Variants in DCHS2 observed in about 807,000 individuals in gnomAD.
DCHS2 encodes protocadherin-23.
A neutral mutation model predicts 182.4 loss-of-function variants in DCHS2; 142 were observed. The ratio of observed to expected loss-of-function variants is 0.78; its 90% CI spans 0.68 to 0.89. The LOEUF (loss-of-function observed/expected upper bound fraction) is 0.89. Ranked by LOEUF, DCHS2 falls within the 40% of genes least tolerant of loss-of-function variation. DCHS2 has a pLI of 0.00. For missense variants in DCHS2, 4,319 were observed against 4,198.6 expected (o/e 1.03, Z -0.79); for synonymous variants, 1,740 against 1,663.3 (o/e 1.05, Z -1.12).
chr4:154,489,427 G>A lies in DCHS2; in HGVS notation c.1929C>T (p.Leu643=). Residue 643 remains leucine (L), a synonymous_variant, in exon 1 of 20, where the codon CTC becomes CTT. Transcript: ENST00000357232. The stretch of plus-strand genomic sequence containing the variant: ...TGATGCTCACCAGGCAGGTGGCAGA[G>A]AGTGGGGGCTCTCCGAGGTCCTGGG... ...VVAQDLGEPP[L]SATCLVSITV... The A allele has an allele frequency of 6.4e-7, 1 of 1,551,786 alleles. No homozygotes were observed. The highest frequency in any genetic ancestry group is 8.7e-7 in the Non-Finnish European group (1 of 1,147,008).
At position 154,490,550 on chromosome 4, in the gene DCHS2, C is replaced by A; in HGVS notation, c.806G>T (p.Trp269Leu). ...GGTGCGCCGGGGTCGGCCGCCGTCC[C>A]ATGCCTCGATCTGCAGCCGGTGCGC... The part of the protein sequence containing the change: ...AAAHRLQIEA[W>L]DGGRPRRTGL... The change falls in exon 1 of 20, where the codon TGG becomes TTG. Residue 269 changes from tryptophan to leucine, a missense_variant. Coordinates refer to ENST00000357232, the MANE Select transcript of DCHS2 (RefSeq NM_001358235.2). The A allele has an allele frequency of 6.5e-7, 1 of 1,540,898 alleles. No homozygotes were observed. The highest frequency in any genetic ancestry group is 1.2e-5 in the South Asian group (1 of 83,958).
chr4:154,343,041 T>A (rs543671964), intron 3 of DCHS2, among the ~76,000 whole-genome samples: 1 of 152,344 alleles, frequency 6.6e-6, no homozygotes, highest in South Asian at 2.1e-4. Flanking sequence ...TTGTATATCT[T>A]CATCAGAGCT....
intron 1 of DCHS2, among the ~76,000 whole-genome samples, chr4:154,484,478 C>T (rs1728508598): frequency 6.6e-6 from 1 of 152,198 alleles, no homozygotes; most frequent in Admixed American, 6.5e-5. Context: ...CCTCCCATTA[C>T]TTCACTACAG....
intron 13 of DCHS2, among the ~76,000 whole-genome samples, chr4:154,275,304 C>G (rs1733804524): frequency 6.6e-6 from 1 of 152,074 alleles, no homozygotes; most frequent in Admixed American, 6.6e-5. Context: ...ATATATTACT[C>G]TCTTTACAAA....
chr4:154,278,770 TACC>T (rs1301462190), intron 13 of DCHS2, among the ~76,000 whole-genome samples: 3 of 152,026 alleles, frequency 2.0e-5, no homozygotes, highest in African/African-American at 7.2e-5. Flanking sequence ...CAACCAAGAA[TACC>T]ACGTCTTCCA....
In DCHS2 at chr4:154,235,484, G is replaced by A. The variant is rs151035309; in HGVS notation, c.9168C>T (p.Asp3056=). The A allele has an allele frequency of 2.3e-5, 37 of 1,613,940 alleles. No individual in the cohort carries two copies. The highest frequency in any genetic ancestry group is 8.0e-5 in the African/African-American group (6 of 75,006). The change falls in exon 20 of 20, where the codon GAC becomes GAT. Residue 3056 remains aspartate, a synonymous_variant. Transcript: ENST00000357232. ...CAGGGACCACCTCGTTACTGCAGTC[G>A]TCAGTTTTCTGGAAGGCTTTGAGCA... The part of the protein sequence containing the change: ...ASVLKAFQKT[D]DCSNEVVPVD...
At chr4:154,407,480 A>T (rs2110884710) in intron 1 of DCHS2, among the ~76,000 whole-genome samples, 1 of 152,332 alleles carries the variant, frequency 6.6e-6, no homozygotes, top group African/African-American at 2.4e-5. Context: ...TTCCAAGCTG[A>T]ACATACACAT....
intron 1 of DCHS2, among the ~76,000 whole-genome samples, chr4:154,448,842 A>T (rs1734411178): frequency 6.6e-6 from 1 of 152,252 alleles, no homozygotes; most frequent in South Asian, 2.1e-4. Context: ...ATATTTCCTC[A>T]GGCAGGACAT....
At chr4:154,254,248 G>A (rs1280780307) in intron 16 of DCHS2, among the ~76,000 whole-genome samples, 1 of 152,176 alleles carries the variant, frequency 6.6e-6, no homozygotes, top group Non-Finnish European at 1.5e-5. Flanking sequence ...ACCACAGGCT[G>A]CCTGACTGCT....
At chr4:154,423,709 C>T (rs572972386) in intron 1 of DCHS2, among the ~76,000 whole-genome samples, 4 of 152,130 alleles carry the variant, frequency 2.6e-5, no homozygotes, top group Non-Finnish European at 5.9e-5. Flanking sequence ...TAGGAATATA[C>T]CCTCAAATTT....
At chr4:154,432,348 A>G (rs931156554) in intron 1 of DCHS2, among the ~76,000 whole-genome samples, 4 of 152,224 alleles carry the variant, frequency 2.6e-5, no homozygotes, top group Admixed American at 2.6e-4. Flanking sequence ...TTAAAAAATT[A>G]AAATAAAAAC....
In DCHS2 at chr4:154,269,968, T is replaced by C. The variant is rs1457768731; in HGVS notation, c.6509A>G (p.Gln2170Arg). The C allele has an allele frequency of 2.5e-6, 4 of 1,612,256 alleles. No individual in the cohort carries two copies. The highest frequency in any genetic ancestry group is 1.1e-5 in the South Asian group (1 of 90,822). ...TVKAFAPDSI[Q>R]DSMKYSIFSG... ...AAAAATTGAATATTTCATGCTGTCC[T>C]GAATTGAGTCAGGAGCAAAAGCTTT... is the stretch of plus-strand genomic sequence containing the variant. The change falls in exon 14 of 20, where the codon CAG becomes CGG. Residue 2170 changes from glutamine (Q) to arginine (R), a missense_variant. By Grantham distance (43) the Gln-to-Arg change is conservative. Transcript: ENST00000357232.
chr4:154,434,610 T>C (rs1260835116), intron 1 of DCHS2, among the ~76,000 whole-genome samples: 1 of 152,162 alleles, frequency 6.6e-6, no homozygotes, highest in Non-Finnish European at 1.5e-5. Flanking sequence ...TGAGTGTTTT[T>C]TTTATTATAA....
intron 10 of DCHS2, among the ~76,000 whole-genome samples, chr4:154,311,400 T>TC (rs1735665358): frequency 1.3e-5 from 2 of 149,444 alleles, no homozygotes; most frequent in Non-Finnish European, 3.0e-5. Context: ...CCCAACAAAT[T>TC]TTTATATTTT....
Position 154,232,859 on chromosome 4 carries a change from G to A in DCHS2, c.*1677C>T, listed in dbSNP as rs1202339276. The A allele has an allele frequency of 6.6e-6, 1 of 151,852 alleles. No individual in the cohort carries two copies. Among genetic ancestry groups the A allele is most frequent in the Non-Finnish European group, 1.5e-5 (1 of 67,950 alleles). 9.4% of individuals were successfully genotyped at this position (151,852 alleles called of 1,614,324 possible). On this transcript the variant is annotated 3_prime_UTR_variant, in exon 20 of 20. Transcript: ENST00000357232. ...TAAAGGATTTTTCCTAGGATTTCAG[G>A]CTTATTCAAAAACCTTCATGTTTCA...
intron 6 of DCHS2, among the ~76,000 whole-genome samples, chr4:154,328,746 A>C (rs1410063542): frequency 6.6e-6 from 1 of 152,220 alleles, no homozygotes; most frequent in Non-Finnish European, 1.5e-5. Flanking sequence ...TAATGATGAT[A>C]TAATAATATT....
chr4:154,457,517 C>A (rs1292965948), intron 1 of DCHS2, among the ~76,000 whole-genome samples: 1 of 152,180 alleles, frequency 6.6e-6, no homozygotes, highest in African/African-American at 2.4e-5. Context: ...GCGCACACAT[C>A]CCTGCCTTTA....
At chr4:154,349,761 T>G (rs17031481) in intron 3 of DCHS2, among the ~76,000 whole-genome samples, 3,731 of 152,346 alleles carry the variant, frequency 0.024, 177 homozygotes, top group South Asian at 0.21. Flanking sequence ...ATTCACATGA[T>G]ATGTATTTAA....
chr4:154,234,971 A>G lies in DCHS2; in HGVS notation c.9681T>C (p.Asp3227=), dbSNP rs780274770. The G allele has an allele frequency of 6.2e-6, 10 of 1,613,932 alleles. No individual in the cohort carries two copies. In the East Asian group the frequency reaches 1.8e-4, roughly 29 times the overall value. ...ALSTQTTSDH[D]GKDNYHWNYL... Reference sequence around the variant, plus strand: ...AATTCCAGTGATAGTTGTCTTTTCCATCATGATCAGAGGTCGTCTGAGTTG... The same window carrying G: ...AATTCCAGTGATAGTTGTCTTTTCCGTCATGATCAGAGGTCGTCTGAGTTG... Residue 3227 remains aspartate (D), a synonymous_variant, in exon 20 of 20, where the codon GAT becomes GAC. Coordinates refer to ENST00000357232, the MANE Select transcript of DCHS2 (RefSeq NM_001358235.2).
Sources: gnomAD v4.1 joint callset for allele counts (sites outside exome capture counted in the v4.1 genomes callset) on GRCh38, gnomAD v4.1.1 for gene constraint, MANE v1.5 for transcripts, NCBI Gene and HGNC (gene_info 2026-07-23, HGNC 2026-07-21) for gene names.